The following FAM149A variants were observed in gnomAD, a reference collection of about 807,000 sequenced individuals.
FAM149A encodes protein FAM149A.
Under a neutral mutation model 78.2 loss-of-function variants are expected in FAM149A, and 71 were observed. The ratio of observed to expected loss-of-function variants is 0.91; its 90% CI spans 0.75 to 1.11. FAM149A has a LOEUF of 1.11. FAM149A is among the 50% of genes least tolerant of loss of function. FAM149A has a pLI of 0.00. For missense variants in FAM149A, 1,036 were observed against 971.0 expected, an observed-to-expected ratio of 1.07 and a Z score of -0.89; for synonymous variants, 446 against 410.5, an observed-to-expected ratio of 1.09 and a Z score of -1.04.
At chr4:186,147,200 T>C (rs1251081761) in intron 1 of FAM149A, among the ~76,000 whole-genome samples, 2 of 152,114 alleles carry the variant, frequency 1.3e-5, no homozygotes, top group Non-Finnish European at 2.9e-5. Flanking sequence ...TTGGGCAATA[T>C]AGTGAGACCC....
chr4:186,121,620 A>G (rs2099316090), intron 1 of FAM149A, among the ~76,000 whole-genome samples: 1 of 152,190 alleles, frequency 6.6e-6, no homozygotes, highest in Non-Finnish European at 1.5e-5. Flanking sequence ...GTACGGAGAC[A>G]TTGATGGCAA....
At chr4:186,127,054 T>G (rs2099318630) in intron 1 of FAM149A, 1 of 985,364 alleles carries the variant, frequency 1.0e-6, no homozygotes, top group African/African-American at 1.7e-5. Context: ...GCAGGACAGT[T>G]ACTTCACAGG....
chr4:186,104,898 G>A lies in FAM149A; in HGVS notation c.-179G>A. 1 of 931,708 alleles carries A rather than the reference G, an allele frequency of 1.1e-6. No homozygotes were observed. The highest frequency in any genetic ancestry group is 1.3e-6 in the Non-Finnish European group (1 of 780,984). The allele number at this position is 931,708 out of a possible 1,614,324, so 57.7% of individuals were successfully genotyped here. A position where few individuals can be genotyped will look rare whatever the true frequency, so the allele number is the denominator to read the frequency against. On this transcript the variant is annotated 5_prime_UTR_variant, in exon 1 of 14. Transcript: ENST00000389354. ...GCTCGGCGGACGGACCCGGGCCGGG[G>A]AAGGGCGACCCCAGCGGCGCGGAGC...
chr4:186,127,140 G>T (rs895507383), intron 1 of FAM149A: 1 of 985,104 alleles, frequency 1.0e-6, no homozygotes, highest in Non-Finnish European at 1.2e-6. Context: ...CTGACTGCAC[G>T]GGCCAACAGG....
chr4:186,137,992 G>A (rs2099324210), intron 1 of FAM149A, among the ~76,000 whole-genome samples: 1 of 152,070 alleles, frequency 6.6e-6, no homozygotes, highest in South Asian at 2.1e-4. Context: ...CTTCTATGAA[G>A]GAAGTTACCA....
chr4:186,157,998 G>C, intron 8 of FAM149A: 1 of 1,485,198 alleles, frequency 6.7e-7, no homozygotes, highest in South Asian at 1.2e-5. Flanking sequence ...CTTCCAGATG[G>C]AGCAGTATAT....
At chr4:186,115,479 T>TA in intron 1 of FAM149A, among the ~76,000 whole-genome samples, 1 of 104,992 alleles carries the variant, frequency 9.5e-6, no homozygotes, top group African/African-American at 3.5e-5. Context: ...CTCTGCGTTT[T>TA]AGAGTTTCCA....
intron 1 of FAM149A, chr4:186,130,000 C>T (rs1451515081): frequency 6.6e-6 from 1 of 152,038 alleles, no homozygotes; most frequent in African/African-American, 2.4e-5. Context: ...CCAATAACAT[C>T]GTTTCAAAAA....
intron 1 of FAM149A, among the ~76,000 whole-genome samples, chr4:186,148,252 A>T (rs1733212437): frequency 6.6e-6 from 1 of 152,130 alleles, no homozygotes; most frequent in South Asian, 2.1e-4. Context: ...ACTTGAACCT[A>T]GGAGGTGGAG....
At chr4:186,139,431 C>A (rs777817061) in intron 1 of FAM149A, among the ~76,000 whole-genome samples, 1 of 152,126 alleles carries the variant, frequency 6.6e-6, no homozygotes, top group Non-Finnish European at 1.5e-5. Context: ...GATTGCAAAG[C>A]CCTCGTGAGT....
At chr4:186,133,828 T>C (rs371722741) in intron 1 of FAM149A, among the ~76,000 whole-genome samples, 4 of 152,082 alleles carry the variant, frequency 2.6e-5, no homozygotes, top group African/African-American at 9.7e-5. Context: ...ACCTACTTTT[T>C]AAATTTTCTG....
At position 186,105,415 on chromosome 4, in the gene FAM149A, C is replaced by A. The variant is rs1053753213; in HGVS notation, c.339C>A (p.Pro113=). 2.5e-6 allele frequency: 3 copies of A among 1,191,310 alleles called. No individual in the cohort carries two copies. The highest frequency in any genetic ancestry group is 2.1e-6 in the Non-Finnish European group (2 of 947,752). The allele number at this position is 1,191,310 out of a possible 1,614,324, so 73.8% of individuals were successfully genotyped here. A position where few individuals can be genotyped will look rare whatever the true frequency, so the allele number is the denominator to read the frequency against. ...AAGCCCCGCCCCAGCCCCCCACTCC[C>A]TCCGGCGGGGGCTGCTCCCCTGCTC... is the stretch of plus-strand genomic sequence containing the variant. The change falls in exon 1 of 14, where the codon CCC becomes CCA. Residue 113 remains proline, a synonymous_variant. Coordinates refer to ENST00000389354, the MANE Select transcript of FAM149A (RefSeq NM_001367768.3).
chr4:186,144,743 G>GGGCCGA lies in FAM149A; in HGVS notation c.567-4426_567-4425insGAGGCC, dbSNP rs1732852274. On this transcript the variant is annotated intron_variant, in intron 1 of 13. Coordinates refer to ENST00000389354, the MANE Select transcript of FAM149A (RefSeq NM_001367768.3). The surrounding 1 kb of genome is among the most constrained non-coding windows in gnomAD (Gnocchi z 4.2). ...CGGCGCGGGGCCGGGGCCGGGGCCG[G>GGGCCGA]GGCCCGGAGCGGGGATGGGCGGGCG... 1.1e-6 allele frequency: 1 copy of GGGCCGA among 888,614 alleles called. No individual in the cohort carries two copies. Among genetic ancestry groups the GGGCCGA allele is most frequent in the Non-Finnish European group, 1.3e-6 (1 of 741,426 alleles). The allele number at this position is 888,614 out of a possible 1,614,324, so 55.0% of individuals were successfully genotyped here.
chr4:186,118,265 C>T (rs766235347), intron 1 of FAM149A: 11 of 981,144 alleles, frequency 1.1e-5, no homozygotes, highest in Middle Eastern at 5.2e-4. Context: ...AAATGAGGAG[C>T]GTCTCCTTTC....
At chr4:186,151,787 C>G in intron 3 of FAM149A, 116 bp from the exon 4 acceptor site, 1 of 1,453,940 alleles carries the variant, frequency 6.9e-7, no homozygotes, top group African/African-American at 1.4e-5. Flanking sequence ...CATCTTTTTA[C>G]CAAGTGATGC....
At chr4:186,157,898 G>A (rs1269013101) in intron 8 of FAM149A, 179 bp downstream of exon 8, 2 of 1,535,162 alleles carry the variant, frequency 1.3e-6, no homozygotes, top group Middle Eastern at 1.7e-4. Context: ...GTGTCACAAT[G>A]CCTGGAGACC....
At chr4:186,158,549 AG>A in intron 8 of FAM149A, 1 of 927,284 alleles carries the variant, frequency 1.1e-6, no homozygotes, top group Non-Finnish European at 1.3e-6. Context: ...GCTGTGGCCA[AG>A]GGGGAGTTTC....
chr4:186,130,293 C>CTCTCTCTATATATATA, intron 1 of FAM149A: 29 of 46,574 alleles, frequency 6.2e-4, no homozygotes, highest in Admixed American at 2.7e-3. Flanking sequence ...CTCTCTCTCT[C>CTCTCTCTATATATATA]TATATATATA....
At chr4:186,168,802 G>A (rs773406622) in intron 13 of FAM149A, among the ~76,000 whole-genome samples, 1 of 152,202 alleles carries the variant, frequency 6.6e-6, no homozygotes, top group Non-Finnish European at 1.5e-5. Flanking sequence ...GGGTGTTTCC[G>A]TCTGTGCCTC....
Sources: allele counts gnomAD v4.1 joint callset (sites outside exome capture counted in the v4.1 genomes callset), GRCh38; gene constraint gnomAD v4.1.1; non-coding constraint Gnocchi (gnomAD v3.1); transcripts MANE v1.5; gene names NCBI Gene and HGNC (gene_info 2026-07-23, HGNC 2026-07-21).